SCN3A: variants seen among roughly 807,000 people sequenced by gnomAD.
SCN3A encodes the protein sodium voltage-gated channel alpha subunit 3.
In SCN3A, 60 loss-of-function variants were observed where a neutral mutation model predicts 187.6. The observed-to-expected ratio is 0.32, with a 90% CI of 0.26 to 0.40. The LOEUF is 0.40. Among genes scored for constraint, SCN3A ranks in the 10% least tolerant of loss-of-function variants. The probability of loss-of-function intolerance (pLI) is 1.00; values close to 1 mark genes in which losing one functional copy is unlikely to be tolerated. For missense variants in SCN3A, 1,601 were observed against 2,428.2 expected (o/e 0.66, Z 7.16); for synonymous variants, 788 against 829.2 (o/e 0.95, Z 0.85).
At chr2:165,154,321 T>A (rs1688878991) in intron 11 of SCN3A, 131 bp downstream of exon 11, 1 of 1,002,290 alleles carries the variant, frequency 1.0e-6, no homozygotes, top group Non-Finnish European at 1.4e-6. Context: ...ATTTGAATAC[T>A]TTTTTTTCTA....
chr2:165,129,931 C>G lies in SCN3A; in HGVS notation c.2922+9G>C. On this transcript the variant is annotated intron_variant, in intron 17 of 27. Transcript: ENST00000283254. ...TTCTAATTTATGAGCATTTGTACTA[C>G]ATACATACCACAAGGTTTCCAATGA... 1 of 1,613,798 alleles carries G rather than the reference C, an allele frequency of 6.2e-7. No homozygotes were observed. The highest frequency in any genetic ancestry group is 8.5e-7 in the Non-Finnish European group (1 of 1,179,730).
At chr2:165,186,445 C>T (rs762396751) in intron 2 of SCN3A, 106 bp downstream of exon 2, 1 of 152,162 alleles carries the variant, frequency 6.6e-6, no homozygotes, top group East Asian at 1.9e-4. Context: ...GAAGAAAACA[C>T]CCCTCTGCCT....
At chr2:165,166,942 C>A (rs1689801844) in intron 5 of SCN3A, among the ~76,000 whole-genome samples, 1 of 151,646 alleles carries the variant, frequency 6.6e-6, no homozygotes, top group African/African-American at 2.4e-5. Context: ...CTCTGTCGTC[C>A]AGGCTGGAAT....
intron 19 of SCN3A, among the ~76,000 whole-genome samples, chr2:165,114,661 T>C (rs1445872648): frequency 6.6e-6 from 1 of 152,228 alleles, no homozygotes; most frequent in Admixed American, 6.5e-5. Context: ...TGAGAACAGC[T>C]ATTGCTTTCC....
In SCN3A at chr2:165,090,038, T is replaced by C; in HGVS notation, c.*112A>G. ...TTGTATAGGCACTGACTATGAGTAT[T>C]TGTTAAAACAGTCAGTTTGGCATGG... is the stretch of plus-strand genomic sequence containing the variant. On this transcript the variant is annotated 3_prime_UTR_variant, in exon 28 of 28. Coordinates refer to ENST00000283254, the MANE Select transcript of SCN3A (RefSeq NM_006922.4). This position sits in a 1 kb window ranked among gnomAD's most constrained non-coding sequence, Gnocchi z 4.0. 6.8e-7 allele frequency: 1 copy of C among 1,468,402 alleles called. No homozygotes were observed. Among genetic ancestry groups the C allele is most frequent in the African/African-American group, 1.4e-5 (1 of 71,234 alleles). 91.0% of individuals were successfully genotyped at this position (1,468,402 alleles called of 1,614,324 possible). A position where few individuals can be genotyped will look rare whatever the true frequency, so the allele number is the denominator to read the frequency against.
At chr2:165,113,231 A>C (rs532880992) in intron 20 of SCN3A, among the ~76,000 whole-genome samples, 173 bp from the exon 21 acceptor site, 5 of 152,314 alleles carry the variant, frequency 3.3e-5, no homozygotes, top group African/African-American at 1.2e-4. Context: ...AAATGCTGGC[A>C]GGGAAACGTC....
At chr2:165,143,766 A>G (rs112482203) in intron 12 of SCN3A, among the ~76,000 whole-genome samples, 2 of 152,186 alleles carry the variant, frequency 1.3e-5, no homozygotes, top group Non-Finnish European at 2.9e-5. Flanking sequence ...ACTGTTTCTT[A>G]ATTTTCAGTA....
rs1170839078 is a variant in SCN3A at position 165,090,758 on chromosome 2, T to G, written c.5395A>C (p.Lys1799Gln). Residue 1799 changes from lysine (K) to glutamine (Q), a missense_variant, in exon 28 of 28, where the codon AAG becomes CAG. Transcript: ENST00000283254. This position sits in a 1 kb window ranked among gnomAD's most constrained non-coding sequence, Gnocchi z 4.0. ...DFEMFYEVWE[K>Q]FDPDATQFIE... is the part of the protein sequence containing the mutation. The stretch of plus-strand genomic sequence containing the variant: ...AACTGGGTCGCATCGGGATCAAACT[T>G]TTCCCAAACCTCATAGAACATCTCA... 9.3e-6 allele frequency: 15 copies of G among 1,613,928 alleles called. No individual in the cohort carries two copies. Among genetic ancestry groups the G allele is most frequent in the Non-Finnish European group, 1.2e-5 (14 of 1,180,006 alleles).
intron 18 of SCN3A, chr2:165,119,903 T>C (rs1020825575): frequency 6.6e-6 from 1 of 152,194 alleles, no homozygotes; most frequent in Non-Finnish European, 1.5e-5. Flanking sequence ...ATTGGGAATA[T>C]AGGCATAATA....
chr2:165,203,744 G>A (rs189772299), intron 1 of SCN3A, 79 bp downstream of exon 1: 14 of 151,964 alleles, frequency 9.2e-5, no homozygotes, highest in African/African-American at 3.4e-4. Context: ...ATAGCAGCAT[G>A]AAGATGATTT....
intron 2 of SCN3A, among the ~76,000 whole-genome samples, chr2:165,183,224 C>T (rs1691002573): frequency 6.6e-6 from 1 of 152,120 alleles, no homozygotes; most frequent in African/African-American, 2.4e-5. Flanking sequence ...ACAATTAGTC[C>T]AACTCTCTGC....
At chr2:165,143,795 G>A (rs78136607) in intron 12 of SCN3A, among the ~76,000 whole-genome samples, 30,014 of 151,952 alleles carry the variant, frequency 0.2, 2,976 homozygotes, top group East Asian at 0.27. Flanking sequence ...GAAAATAGAA[G>A]AAATTAGGTC....
intron 21 of SCN3A, among the ~76,000 whole-genome samples, chr2:165,100,687 C>T (rs1490037284): frequency 1.3e-5 from 2 of 152,048 alleles, no homozygotes; most frequent in South Asian, 2.1e-4. Flanking sequence ...ACCATGGACC[C>T]CTTTTCAACT....
intron 22 of SCN3A, among the ~76,000 whole-genome samples, chr2:165,099,684 T>G (rs1356457760): frequency 6.6e-6 from 1 of 152,092 alleles, no homozygotes; most frequent in African/African-American, 2.4e-5. Context: ...ACCACTGCAC[T>G]CCAGCCTGGG....
At chr2:165,114,731 C>A (rs999198931) in intron 19 of SCN3A, among the ~76,000 whole-genome samples, 1 of 152,182 alleles carries the variant, frequency 6.6e-6, no homozygotes, top group Non-Finnish European at 1.5e-5. Flanking sequence ...GCACATTAAC[C>A]ACATTGGAAC....
At chr2:165,107,535 C>T (rs1685920501) in intron 21 of SCN3A, among the ~76,000 whole-genome samples, 1 of 152,236 alleles carries the variant, frequency 6.6e-6, no homozygotes. Context: ...TTCTAATTCT[C>T]TGCACAAGGG....
intron 2 of SCN3A, chr2:165,179,507 A>G (rs1690700189): frequency 1.3e-5 from 2 of 152,258 alleles, no homozygotes; most frequent in Non-Finnish European, 2.9e-5. Context: ...ACAAGGTGCC[A>G]TCACAAAATC....
intron 21 of SCN3A, among the ~76,000 whole-genome samples, chr2:165,108,206 A>G (rs572831381): frequency 6.6e-6 from 1 of 152,310 alleles, no homozygotes; most frequent in East Asian, 1.9e-4. Context: ...AGTACTAGGC[A>G]TAATATCTTT....
intron 20 of SCN3A, 102 bp downstream of exon 20, chr2:165,113,714 G>T: frequency 7.9e-7 from 1 of 1,261,222 alleles, no homozygotes; most frequent in Non-Finnish European, 1.2e-6. Flanking sequence ...ACACAGATAT[G>T]CCTTTTCTTT....
Sources: gnomAD v4.1 joint callset for allele counts (sites outside exome capture counted in the v4.1 genomes callset) on GRCh38, gnomAD v4.1.1 for gene constraint, Gnocchi (gnomAD v3.1) non-coding constraint, MANE v1.5 for transcripts, NCBI Gene and HGNC (gene_info 2026-07-23, HGNC 2026-07-21) for gene names.